Variants in TSPAN16 observed in about 807,000 individuals in gnomAD.
TSPAN16 encodes tetraspanin 16, also known as tetraspanin-16.
In TSPAN16, 23 loss-of-function variants were observed where a neutral mutation model predicts 25.2. The ratio of observed to expected loss-of-function variants is 0.91; its 90% confidence interval spans 0.66 to 1.29. The LOEUF (loss-of-function observed/expected upper bound fraction) is 1.29. Ranked by LOEUF, TSPAN16 falls within the 50% of genes most tolerant of loss-of-function variation. TSPAN16 has a pLI of 0.00. For synonymous variants in TSPAN16, 123 were observed against 124.4 expected (o/e 0.99, Z 0.08); for missense variants, 272 against 299.9 (o/e 0.91, Z 0.69).
intron 5 of TSPAN16, among the ~76,000 whole-genome samples, chr19:11,310,515 CA>C (rs71164183): frequency 0.27 from 32,109 of 116,856 alleles, 4,051 homozygotes; most frequent in East Asian, 0.41. Flanking sequence ...AATTCCGTCT[CA>C]AAAAAAAAAA....
At chr19:11,298,010 C>A in intron 1 of TSPAN16, 132 bp from the exon 2 acceptor site, 1 of 867,882 alleles carries the variant, frequency 1.2e-6, no homozygotes, top group Non-Finnish European at 1.8e-6. Context: ...TGGTCTTGAA[C>A]TCCTGGGCTC....
intron 1 of TSPAN16, 97 bp from the exon 2 acceptor site, chr19:11,298,038 TCCCAAAG>T: frequency 8.0e-7 from 1 of 1,253,406 alleles, no homozygotes; most frequent in Middle Eastern, 2.1e-4. Context: ...GGCCTTGGCC[TCCCAAAG>T]TGCTGGGATT....
At position 11,301,276 on chromosome 19, in the gene TSPAN16, T is replaced by A. The variant is rs766122283; in HGVS notation, c.418T>A (p.Tyr140Asn). 9.3e-6 allele frequency: 15 copies of A among 1,613,746 alleles called. No individual in the cohort carries two copies. The highest frequency in any genetic ancestry group is 1.2e-5 in the Non-Finnish European group (14 of 1,179,924). Residue 140 changes from tyrosine (Y) to asparagine (N), a missense_variant, in exon 4 of 7, where the codon TAT becomes AAT. Transcript: ENST00000590327. ...CAGAGGTTACAACGAGCCAGACGAC[T>A]ATTCTACACAGTGGAACTTGGTCAT... The part of the protein sequence containing the change: ...NYRGYNEPDD[Y>N]STQWNLVMEK...
chr19:11,303,587 A>C (rs959196514), intron 4 of TSPAN16, among the ~76,000 whole-genome samples: 4 of 147,794 alleles, frequency 2.7e-5, no homozygotes, highest in Non-Finnish European at 4.5e-5. Flanking sequence ...TAAAAAAAAA[A>C]AAAAAAAAAA....
chr19:11,296,340 T>C lies in TSPAN16; in HGVS notation c.43T>C (p.Leu15=). The change falls in exon 1 of 7, where the codon TTA becomes CTA. Residue 15 remains leucine, a synonymous_variant. Coordinates refer to ENST00000590327, the MANE Select transcript of TSPAN16 (RefSeq NM_001282509.2). ...TCCGTATTCTTCCTTGAAGAAACTG[T>C]TATCTTTACTCAATGGCTTCGTGGC... ...HTPYSSLKKL[L]SLLNGFVAVS... 1.2e-6 allele frequency: 2 copies of C among 1,614,220 alleles called. No individual in the cohort carries two copies. Among genetic ancestry groups the C allele is most frequent in the Non-Finnish European group, 1.7e-6 (2 of 1,180,038 alleles).
At chr19:11,320,937 A>G (rs185377747), downstream of TSPAN16, among the ~76,000 whole-genome samples, 450 of 152,116 alleles carry the variant, frequency 3.0e-3, 2 homozygotes, top group Non-Finnish European at 5.0e-3. Context: ...TTGGGAGGCC[A>G]AGGTGGGCAG....
intron 4 of TSPAN16, among the ~76,000 whole-genome samples, chr19:11,302,660 C>CTGTGT (rs2080569966): frequency 3.1e-5 from 3 of 97,848 alleles, no homozygotes; most frequent in African/African-American, 1.6e-4. Flanking sequence ...TATACACATA[C>CTGTGT]ATATATATAT....
chr19:11,323,206 T>C (rs2080791270), intron 6 of TSPAN16: 1 of 152,130 alleles, frequency 6.6e-6, no homozygotes, highest in African/African-American at 2.4e-5. Context: ...TTAAAGTAGC[T>C]AAAAATTTTT....
chr19:11,321,518 C>A (rs781210811), intron 6 of TSPAN16, among the ~76,000 whole-genome samples: 15 of 152,332 alleles, frequency 9.8e-5, no homozygotes, highest in Admixed American at 4.6e-4. Context: ...CAAACCATAT[C>A]AACTGTGACT....
At chr19:11,308,190 C>T (rs1181349375) in intron 5 of TSPAN16, 1 of 152,250 alleles carries the variant, frequency 6.6e-6, no homozygotes, top group Non-Finnish European at 1.5e-5. Flanking sequence ...AGCCACACCC[C>T]AGTTCCCCCT....
chr19:11,312,864 C>A (rs555480221), intron 6 of TSPAN16, among the ~76,000 whole-genome samples: 58 of 152,198 alleles, frequency 3.8e-4, no homozygotes, highest in African/African-American at 1.4e-3. Context: ...GACATCACTA[C>A]TGACCTTACA....
rs2080478359 is a variant in TSPAN16 at position 11,296,382 on chromosome 19, T to A, written c.69+16T>A. The A allele has an allele frequency of 2.5e-6, 4 of 1,613,074 alleles. No individual in the cohort carries two copies. The East Asian group carries it at 8.9e-5, about 36-fold the overall frequency. On this transcript the variant is annotated intron_variant, in intron 1 of 6. Coordinates refer to ENST00000590327, the MANE Select transcript of TSPAN16 (RefSeq NM_001282509.2). ...CTTCGTGGCTGTAAGTATGTCACAA[T>A]CCAGGCCCCTGGTTTGTTGCAGCCC...
At chr19:11,322,145 C>T (rs2080783625) in intron 6 of TSPAN16, 1 of 152,152 alleles carries the variant, frequency 6.6e-6, no homozygotes, top group South Asian at 2.1e-4. Context: ...AATTGCTACA[C>T]AGAAGAACCA....
In TSPAN16 at chr19:11,326,797, T is replaced by TGG. The variant is rs150288932; in HGVS notation, c.695_696dup (p.Ser233GlyfsTer31). Reference sequence around the variant, plus strand: ...TTTTCAATTTTTTCTTTTGTAGAGGTGGGGGTCTCGCTATGTTGCGCAGGC... The same window carrying TGG: ...TTTTCAATTTTTTCTTTTGTAGAGGTGGGGGGGTCTCGCTATGTTGCGCAGGC... On this transcript the variant is annotated frameshift_variant, in exon 7 of 7. Transcript: ENST00000316737. LOFTEE classifies it high-confidence loss of function. 8 of 694,796 alleles carry TGG rather than the reference T, an allele frequency of 1.2e-5. No homozygotes were observed. Among genetic ancestry groups the TGG allele is most frequent in the Non-Finnish European group, 2.1e-5 (8 of 382,214 alleles). The allele number at this position is 694,796 out of a possible 1,614,324, so 43.0% of individuals were successfully genotyped here. A position where few individuals can be genotyped will look rare whatever the true frequency, so the allele number is the denominator to read the frequency against.
chr19:11,318,828 G>A (rs932558351), downstream of TSPAN16, among the ~76,000 whole-genome samples: 1 of 151,938 alleles, frequency 6.6e-6, no homozygotes, highest in African/African-American at 2.4e-5. Context: ...TGTATTTTTA[G>A]TAGAGACGGG....
chr19:11,304,022 T>C (rs1277523652), intron 4 of TSPAN16, among the ~76,000 whole-genome samples: 1 of 151,532 alleles, frequency 6.6e-6, no homozygotes, highest in African/African-American at 2.4e-5. Context: ...CCTGAAGTGA[T>C]CCACCCACCT....
At chr19:11,302,528 CAAAAAAA>C (rs71164181) in intron 4 of TSPAN16, among the ~76,000 whole-genome samples, 6 of 49,268 alleles carry the variant, frequency 1.2e-4, no homozygotes, top group Admixed American at 3.1e-4. Context: ...GGCTCCATCT[CAAAAAAA>C]AAAAAAAAAA....
intron 6 of TSPAN16, chr19:11,326,715 C>T (rs1397342258): frequency 1.0e-5 from 7 of 678,820 alleles, no homozygotes; most frequent in Admixed American, 2.1e-5. Flanking sequence ...GCGATCCTCC[C>T]GCCTTGGCCC....
intron 5 of TSPAN16, among the ~76,000 whole-genome samples, chr19:11,310,087 G>T (rs1440021703): frequency 6.6e-6 from 1 of 151,796 alleles, no homozygotes; most frequent in Non-Finnish European, 1.5e-5. Flanking sequence ...CTGAGTGACA[G>T]GACGAGACCC....
Sources: gnomAD v4.1 joint callset for allele counts (sites outside exome capture counted in the v4.1 genomes callset) on GRCh38, gnomAD v4.1.1 for gene constraint, MANE v1.5 for transcripts, NCBI Gene and HGNC (gene_info 2026-07-23, HGNC 2026-07-21) for gene names.